Variants in KLHL8 observed in about 807,000 individuals in gnomAD.
KLHL8 encodes the protein kelch-like protein 8.
A neutral mutation model predicts 63.5 loss-of-function variants in KLHL8; 38 were observed. The observed-to-expected ratio is 0.60, with a 90% CI of 0.46 to 0.78. The LOEUF (loss-of-function observed/expected upper bound fraction) is 0.78, where lower values mean the gene tolerates loss of function less well. Among genes scored for constraint, KLHL8 ranks in the 30% least tolerant of loss-of-function variants. The pLI is 0.00. For synonymous variants in KLHL8, 224 were observed against 254.3 expected (o/e 0.88, Z 1.13); for missense variants, 566 against 752.4 (o/e 0.75, Z 2.90).
At chr4:87,207,900 C>A in intron 1 of KLHL8, 1 of 1,463,688 alleles carries the variant, frequency 6.8e-7, no homozygotes. Context: ...CCCTCAAGGG[C>A]ATCCTGGGCT....
chr4:87,211,891 C>G (rs1283678938), intron 1 of KLHL8, among the ~76,000 whole-genome samples: 1 of 152,170 alleles, frequency 6.6e-6, no homozygotes, highest in Non-Finnish European at 1.5e-5. Context: ...TAGATGCCTG[C>G]AACAGCTCGA....
intron 3 of KLHL8, among the ~76,000 whole-genome samples, chr4:87,184,371 A>T (rs1479053570): frequency 6.6e-6 from 1 of 152,228 alleles, no homozygotes; most frequent in Non-Finnish European, 1.5e-5. Flanking sequence ...ATAAATATCT[A>T]AAATGAGAAC....
At chr4:87,167,740 A>G in intron 8 of KLHL8, 1 of 330,304 alleles carries the variant, frequency 3.0e-6, no homozygotes, top group South Asian at 3.1e-5. Flanking sequence ...TATGATCCTG[A>G]GCTGAGGAGT....
intron 1 of KLHL8, among the ~76,000 whole-genome samples, chr4:87,227,018 ATATATAT>A (rs1733039336): frequency 9.0e-6 from 1 of 110,748 alleles, no homozygotes; most frequent in Non-Finnish European, 1.7e-5. Flanking sequence ...TATATAAATA[ATATATAT>A]TATATTTCCT....
intron 1 of KLHL8, among the ~76,000 whole-genome samples, chr4:87,218,264 A>G (rs1732676569): frequency 1.4e-5 from 2 of 147,556 alleles, no homozygotes; most frequent in African/African-American, 5.0e-5. Flanking sequence ...TTTTAGATGG[A>G]GTCTCGTTCT....
chr4:87,183,796 C>A (rs1378673382), intron 3 of KLHL8, among the ~76,000 whole-genome samples: 1 of 152,136 alleles, frequency 6.6e-6, no homozygotes, highest in East Asian at 1.9e-4. Flanking sequence ...GTTCTTTTGC[C>A]TTTTTAAGCT....
rs527874645 is a variant in KLHL8, at chr4:87,236,461, C to A, written n.57+3797G>T. 5.3e-5 allele frequency among the ~76,000 whole-genome samples: 8 copies of A among 152,040 alleles called. No individual in the cohort carries two copies. The South Asian group carries it at 1.2e-3, about 24-fold the overall frequency. ...TGACCTTATGATCTGCCCGCCTCGGCCTTCCAAAGTGCTGAGATTGCAGGC... is the reference window on the plus strand; with the variant it reads ...TGACCTTATGATCTGCCCGCCTCGGACTTCCAAAGTGCTGAGATTGCAGGC... On this transcript the variant is annotated intron_variant and non_coding_transcript_variant, in intron 1 of 1. Transcript: ENST00000506274.
chr4:87,218,298 C>T (rs1407232023), intron 1 of KLHL8, among the ~76,000 whole-genome samples: 2 of 150,960 alleles, frequency 1.3e-5, no homozygotes, highest in East Asian at 1.9e-4. Context: ...AGTGCAGCTG[C>T]GTGATCTCAG....
chr4:87,185,143 T>C, intron 3 of KLHL8, 108 bp downstream of exon 3: 1 of 1,087,934 alleles, frequency 9.2e-7, no homozygotes, highest in African/African-American at 1.6e-5. Flanking sequence ...ATTACATCAA[T>C]AATTTCTATA....
intron 1 of KLHL8, among the ~76,000 whole-genome samples, chr4:87,215,695 G>A (rs1025002677): frequency 2.0e-5 from 3 of 152,206 alleles, no homozygotes; most frequent in East Asian, 1.9e-4. Context: ...AATTCCAAAC[G>A]CTTATTCTTA....
At chr4:87,210,304 C>T (rs1028255700) in intron 1 of KLHL8, among the ~76,000 whole-genome samples, 1 of 152,124 alleles carries the variant, frequency 6.6e-6, no homozygotes, top group Non-Finnish European at 1.5e-5. Context: ...ACGGTGAAAC[C>T]GTCTCTACTA....
rs551846116 is a variant in KLHL8, at chr4:87,185,482, A to T, written c.534T>A (p.Ser178Arg). Residue 178 changes from serine to arginine, a missense_variant, in exon 3 of 10, where the codon AGT becomes AGA. By Grantham distance (110) the Ser-to-Arg change is moderately radical. Transcript: ENST00000273963. ...TGTCCATTAAGTCTATTCGATTGTG[A>T]CTTTCTGCAAAGGCTCTTACTGCCA... ...NCLAVRAFAE[S>R]HNRIDLMDMA... 8.1e-6 allele frequency: 13 copies of T among 1,614,070 alleles called. No individual in the cohort carries two copies. The Admixed American group carries it at 2.2e-4, about 27-fold the overall frequency.
chr4:87,180,934 G>A (rs1020867265), intron 4 of KLHL8, among the ~76,000 whole-genome samples: 5 of 152,052 alleles, frequency 3.3e-5, no homozygotes, highest in African/African-American at 1.2e-4. Flanking sequence ...TACTCAGGGG[G>A]CTGAGGGAGG....
chr4:87,186,918 G>GT (rs953987159), intron 2 of KLHL8, among the ~76,000 whole-genome samples: 14 of 150,818 alleles, frequency 9.3e-5, no homozygotes, highest in East Asian at 3.9e-4. Flanking sequence ...CTCAACTGAG[G>GT]TTTTTTTTTA....
chr4:87,231,516 G>A (rs967752758), intron 1 of KLHL8, among the ~76,000 whole-genome samples: 2 of 152,074 alleles, frequency 1.3e-5, no homozygotes, highest in Admixed American at 1.3e-4. Flanking sequence ...CACCCCACCT[G>A]TGAACAGTAA....
At position 87,236,398 on chromosome 4, in the gene KLHL8, G is replaced by A. The variant is rs550979790; in HGVS notation, n.57+3860C>T. 2.0e-4 allele frequency among the ~76,000 whole-genome samples: 31 copies of A among 151,690 alleles called. 1 individual carries two copies. The South Asian group carries it at 6.5e-3, about 32-fold the overall frequency. ...AAATTTTTGTATTTTTGGTAGAGAC[G>A]GGATTTCACTATGTTGGCCACACTG... On this transcript the variant is annotated intron_variant and non_coding_transcript_variant, in intron 1 of 1. Transcript: ENST00000506274.
chr4:87,225,250 T>C (rs1732953042), upstream of KLHL8, among the ~76,000 whole-genome samples: 1 of 152,166 alleles, frequency 6.6e-6, no homozygotes, highest in Non-Finnish European at 1.5e-5. Flanking sequence ...CCTCTCCAGT[T>C]TTGGGTTACT....
At chr4:87,197,605 T>C (rs924663744) in intron 1 of KLHL8, among the ~76,000 whole-genome samples, 3 of 152,196 alleles carry the variant, frequency 2.0e-5, no homozygotes, top group Admixed American at 6.5e-5. Flanking sequence ...AACTGTGAGA[T>C]AATAAATGCA....
chr4:87,180,902 G>C (rs116064527), intron 4 of KLHL8, among the ~76,000 whole-genome samples: 1,559 of 152,094 alleles, frequency 0.01, 18 homozygotes, highest in Non-Finnish European at 0.016. Flanking sequence ...AATATATCTG[G>C]GTATGTGCCT....
Sources: gnomAD v4.1 joint callset for allele counts (sites outside exome capture counted in the v4.1 genomes callset) on GRCh38, gnomAD v4.1.1 for gene constraint, MANE v1.5 for transcripts, NCBI Gene and HGNC (gene_info 2026-07-23, HGNC 2026-07-21) for gene names.